CACNB2: variants seen among roughly 807,000 people sequenced by gnomAD.
CACNB2 encodes voltage-dependent L-type calcium channel subunit beta-2.
In CACNB2, 42 loss-of-function variants were observed where a neutral mutation model predicts 73.3. The ratio of observed to expected loss-of-function variants is 0.57; its 90% CI spans 0.45 to 0.74. The LOEUF is 0.74. Ranked by LOEUF, CACNB2 falls within the 30% of genes least tolerant of loss-of-function variation. CACNB2 has a pLI of 0.00. For synonymous variants in CACNB2, 348 were observed against 310.3 expected, an observed-to-expected ratio of 1.12 and a Z score of -1.28; for missense variants, 940 against 853.0, an observed-to-expected ratio of 1.10 and a Z score of -1.27.
chr10:18,537,334 A>G (rs529468209), intron 12 of CACNB2, among the ~76,000 whole-genome samples: 1 of 151,990 alleles, frequency 6.6e-6, no homozygotes, highest in African/African-American at 2.4e-5. Context: ...TAAATATTTG[A>G]TTGCTTAATA....
intron 2 of CACNB2, among the ~76,000 whole-genome samples, chr10:18,321,822 T>G (rs2040407631): frequency 6.6e-6 from 1 of 152,158 alleles, no homozygotes; most frequent in African/African-American, 2.4e-5. Flanking sequence ...CCCCTCTTTT[T>G]GAATTGTTTT....
intron 10 of CACNB2, among the ~76,000 whole-genome samples, chr10:18,530,587 A>C (rs1383064704): frequency 6.6e-6 from 1 of 152,024 alleles, no homozygotes; most frequent in Non-Finnish European, 1.5e-5. Context: ...TAAAGTGTAG[A>C]GTATATCATG....
intron 3 of CACNB2, among the ~76,000 whole-genome samples, chr10:18,421,264 A>G (rs1178540413): frequency 6.7e-6 from 1 of 150,282 alleles, no homozygotes; most frequent in African/African-American, 2.4e-5. Flanking sequence ...AAAAATGTTC[A>G]TTGTAATATT....
chr10:18,300,351 G>T (rs769897049), intron 2 of CACNB2, among the ~76,000 whole-genome samples: 1 of 152,128 alleles, frequency 6.6e-6, no homozygotes, highest in Admixed American at 6.5e-5. Context: ...CTGTATGTCT[G>T]TTGCTGTGCC....
chr10:18,191,408 A>G (rs1017612679), intron 2 of CACNB2, among the ~76,000 whole-genome samples: 4 of 152,196 alleles, frequency 2.6e-5, no homozygotes, highest in African/African-American at 9.6e-5. Context: ...GGTGGGAAGA[A>G]GATCAAAACA....
At chr10:18,173,459 G>A (rs77138979) in intron 2 of CACNB2, among the ~76,000 whole-genome samples, 6,997 of 152,244 alleles carry the variant, frequency 0.046, 214 homozygotes, top group East Asian at 0.13. Flanking sequence ...TTAGGATGGT[G>A]TATATACTTC....
chr10:18,403,890 A>G (rs2044142229), intron 3 of CACNB2, among the ~76,000 whole-genome samples: 1 of 152,138 alleles, frequency 6.6e-6, no homozygotes, highest in East Asian at 1.9e-4. Context: ...AAAAAAATAG[A>G]AAGAATGAAT....
intron 3 of CACNB2, among the ~76,000 whole-genome samples, chr10:18,485,463 A>C (rs1417875142): frequency 6.6e-6 from 1 of 151,324 alleles, no homozygotes; most frequent in East Asian, 1.9e-4. Flanking sequence ...GAGTAGAACA[A>C]GTTTTATAAG....
intron 2 of CACNB2, among the ~76,000 whole-genome samples, chr10:18,349,219 C>G (rs2041602522): frequency 6.6e-6 from 1 of 152,196 alleles, no homozygotes; most frequent in African/African-American, 2.4e-5. Flanking sequence ...ATTCAGAGTT[C>G]CCCATACAGC....
At chr10:18,424,141 A>G (rs1326985517) in intron 3 of CACNB2, among the ~76,000 whole-genome samples, 2 of 152,162 alleles carry the variant, frequency 1.3e-5, no homozygotes, top group Non-Finnish European at 1.5e-5. Context: ...ACCCTGATTC[A>G]GAGCAGAGAT....
chr10:18,434,113 T>C (rs531607531), intron 3 of CACNB2, among the ~76,000 whole-genome samples: 19 of 152,308 alleles, frequency 1.2e-4, no homozygotes, highest in Non-Finnish European at 2.6e-4. Context: ...ATTTTGGCCA[T>C]GAACTGAAAG....
chr10:18,513,246 C>G (rs1038528208), intron 6 of CACNB2: 2 of 158,662 alleles, frequency 1.3e-5, no homozygotes, highest in Non-Finnish European at 2.8e-5. Context: ...TGTTGTTGCA[C>G]AGAATAAGAG....
chr10:18,286,298 C>T (rs1329601712), intron 2 of CACNB2, among the ~76,000 whole-genome samples: 6 of 152,126 alleles, frequency 3.9e-5, no homozygotes, highest in Non-Finnish European at 7.4e-5. Context: ...GGGCGGATCA[C>T]GAGGTCAGGA....
At chr10:18,460,533 C>T (rs1236163507) in intron 3 of CACNB2, among the ~76,000 whole-genome samples, 1 of 151,630 alleles carries the variant, frequency 6.6e-6, no homozygotes, top group Non-Finnish European at 1.5e-5. Context: ...AGTGATGGTG[C>T]CAGGGAAGAT....
At chr10:18,160,601 A>G (rs983367621) in intron 2 of CACNB2, among the ~76,000 whole-genome samples, 3 of 152,234 alleles carry the variant, frequency 2.0e-5, no homozygotes, top group Non-Finnish European at 2.9e-5. Context: ...TTCTGAATTT[A>G]TAAAAAGCAT....
intron 2 of CACNB2, among the ~76,000 whole-genome samples, chr10:18,193,657 A>G (rs953265923): frequency 6.6e-6 from 1 of 152,206 alleles, no homozygotes; most frequent in Non-Finnish European, 1.5e-5. Flanking sequence ...TGAGGGGCTC[A>G]CTACAGCCCT....
intron 2 of CACNB2, among the ~76,000 whole-genome samples, chr10:18,290,290 A>T (rs1588954071): frequency 6.6e-6 from 1 of 151,178 alleles, no homozygotes; most frequent in African/African-American, 2.4e-5. Flanking sequence ...GCCTCCGAAA[A>T]TGCTGGGATT....
At chr10:18,288,707 A>C (rs1417788360) in intron 2 of CACNB2, among the ~76,000 whole-genome samples, 1 of 151,410 alleles carries the variant, frequency 6.6e-6, no homozygotes, top group African/African-American at 2.4e-5. Context: ...ACACACACAG[A>C]GATACCCAGT....
intron 1 of CACNB2, among the ~76,000 whole-genome samples, chr10:18,148,645 A>G (rs1039958684): frequency 2.6e-5 from 4 of 152,204 alleles, no homozygotes; most frequent in Admixed American, 6.5e-5. Flanking sequence ...TATCACTAAA[A>G]TGCTAAAATT....
Sources: gnomAD v4.1 joint callset for allele counts (sites outside exome capture counted in the v4.1 genomes callset) on GRCh38, gnomAD v4.1.1 for gene constraint, MANE v1.5 for transcripts, NCBI Gene and HGNC (gene_info 2026-07-23, HGNC 2026-07-21) for gene names.